The following DPAGT1 variants were observed in gnomAD, a reference collection of about 807,000 sequenced individuals.
DPAGT1 encodes UDP-N-acetylglucosamine--dolichyl-phosphate N-acetylglucosaminephosphotransferase.
In DPAGT1, 25 loss-of-function variants were observed where a neutral mutation model predicts 39.3. The ratio of observed to expected loss-of-function variants is 0.64; its 90% confidence interval spans 0.46 to 0.89. The LOEUF is 0.89. DPAGT1 is among the 40% of genes least tolerant of loss of function. The pLI, the probability that DPAGT1 is intolerant of heterozygous loss-of-function variation, is 0.00. For synonymous variants in DPAGT1, 193 were observed against 201.4 expected (o/e 0.96, Z 0.36); for missense variants, 381 against 500.6 (o/e 0.76, Z 2.28).
intron 4 of DPAGT1, among the ~76,000 whole-genome samples, chr11:119,099,510 C>G (rs1219433440): frequency 6.6e-6 from 1 of 150,964 alleles, no homozygotes; most frequent in Admixed American, 6.6e-5. Context: ...ATGGTAGGAA[C>G]TGGCTGGGCA....
chr11:119,094,172 T>C (rs1946352892), downstream of DPAGT1: 2 of 152,740 alleles, frequency 1.3e-5, no homozygotes, highest in East Asian at 3.9e-4. Flanking sequence ...TGCAGGCCTC[T>C]GCCCTCCCCT....
chr11:119,094,459 C>G (rs1287553024), downstream of DPAGT1: 7 of 152,432 alleles, frequency 4.6e-5, no homozygotes, highest in Admixed American at 4.6e-4. Context: ...GCCTCACTCA[C>G]CTTCAGGGCC....
downstream of DPAGT1, chr11:119,095,514 T>C: frequency 9.1e-7 from 1 of 1,096,550 alleles, no homozygotes; most frequent in Non-Finnish European, 1.3e-6. Flanking sequence ...AGGACACACC[T>C]CTGCGCCCTC....
intron 4 of DPAGT1, 130 bp downstream of exon 4, chr11:119,100,132 G>GT (rs1946471855): frequency 4.9e-6 from 7 of 1,424,208 alleles, no homozygotes; most frequent in Non-Finnish European, 6.9e-6. Flanking sequence ...TATTTGCAAA[G>GT]TAAGTAGCTT....
chr11:119,097,750 G>T lies in DPAGT1; in HGVS notation c.917+105C>A. 1 of 1,521,124 alleles carries T rather than the reference G, an allele frequency of 6.6e-7. No individual in the cohort carries two copies. The highest frequency in any genetic ancestry group is 9.1e-7 in the Non-Finnish European group (1 of 1,098,198). The allele number at this position is 1,521,124 out of a possible 1,614,324, so 94.2% of individuals were successfully genotyped here. The stretch of plus-strand genomic sequence containing the variant: ...ATAAAGGGCTACTCACATGGAAATA[G>T]CCCTTCTTTGGGCCCACTCCCTTTG... On this transcript the variant is annotated intron_variant, in intron 6 of 8. Transcript: ENST00000354202. This position sits in a 1 kb window ranked among gnomAD's most constrained non-coding sequence, Gnocchi z 4.6.
Position 119,100,659 on chromosome 11 carries a change from C to T in DPAGT1, c.467G>A (p.Arg156His). The T allele has an allele frequency of 1.9e-6, 3 of 1,614,002 alleles. No individual in the cohort carries two copies. Among genetic ancestry groups the T allele is most frequent in the Middle Eastern group, 1.7e-4 (1 of 6,040 alleles). Residue 156 changes from arginine (R) to histidine (H), a missense_variant, in exon 3 of 9, where the codon CGC becomes CAC. Arg to His is a conservative substitution (Grantham distance 29). Coordinates refer to ENST00000354202, the MANE Select transcript of DPAGT1 (RefSeq NM_001382.4). ...GTCCAGATGCAGGCCAAGTATCGGG[C>T]GGAAGGGCTTGGGCACCACAATGGT... ...NTTIVVPKPF[R>H]PILGLHLDLG...
chr11:119,101,389 A>C, intron 1 of DPAGT1, 106 bp downstream of exon 1: 4 of 1,595,396 alleles, frequency 2.5e-6, no homozygotes, highest in Non-Finnish European at 3.4e-6. Context: ...TGCCTGGGTT[A>C]GTTCTGAGTC....
In DPAGT1 at chr11:119,096,838, G is replaced by A; in HGVS notation, c.*160C>T. ...GCAGAGGGCAAGAAACGCCCAGGATGCCAATGATCACAGAGAAAGGAAAAT... is the reference window on the plus strand; with the variant it reads ...GCAGAGGGCAAGAAACGCCCAGGATACCAATGATCACAGAGAAAGGAAAAT... On this transcript the variant is annotated 3_prime_UTR_variant, in exon 9 of 9. Transcript: ENST00000354202. 1.2e-6 allele frequency: 1 copy of A among 865,778 alleles called. No individual in the cohort carries two copies. The highest frequency in any genetic ancestry group is 1.9e-6 in the Non-Finnish European group (1 of 537,516). 53.6% of individuals were successfully genotyped at this position (865,778 alleles called of 1,614,324 possible).
chr11:119,100,877 C>G, intron 2 of DPAGT1, 34 bp from the exon 3 acceptor site: 1 of 1,614,074 alleles, frequency 6.2e-7, no homozygotes, highest in Non-Finnish European at 8.5e-7. Context: ...ATGACTCAAG[C>G]CTGCTCCCAT....
In DPAGT1 at chr11:119,101,701, G is replaced by A. The variant is rs186992584; in HGVS notation, c.-46C>T. 1.4e-4 allele frequency: 227 copies of A among 1,613,652 alleles called. No individual in the cohort carries two copies. Among genetic ancestry groups the A allele is most frequent in the Admixed American group, 3.2e-4 (19 of 59,992 alleles). On this transcript the variant is annotated 5_prime_UTR_variant, in exon 1 of 9. Coordinates refer to ENST00000354202, the MANE Select transcript of DPAGT1 (RefSeq NM_001382.4). ...GCTCCGCCGCCTCTTCAGGTAACGG[G>A]CAAGCTGAGCAGCAGTCCTGAGGCC...
Position 119,101,583 on chromosome 11 carries a change from T to C in DPAGT1, c.73A>G (p.Thr25Ala). The C allele has an allele frequency of 6.2e-7, 1 of 1,614,232 alleles. No individual in the cohort carries two copies. Among genetic ancestry groups the C allele is most frequent in the Non-Finnish European group, 8.5e-7 (1 of 1,180,036 alleles). Residue 25 changes from threonine to alanine, a missense_variant, in exon 1 of 9, where the codon ACA becomes GCA. Coordinates refer to ENST00000354202, the MANE Select transcript of DPAGT1 (RefSeq NM_001382.4). ...LIVSLLGFVA[T>A]VTLIPAFRGH... ...CGGAAGGCCGGGATGAGGGTGACTGTGGCCACAAATCCCAGCAGCGAGACG... is the reference window on the plus strand; with the variant it reads ...CGGAAGGCCGGGATGAGGGTGACTGCGGCCACAAATCCCAGCAGCGAGACG...
chr11:119,095,419 A>T, downstream of DPAGT1: 4 of 1,495,074 alleles, frequency 2.7e-6, no homozygotes, highest in Non-Finnish European at 3.5e-6. Flanking sequence ...CCGGTGAAGC[A>T]CGACGGCTCA....
downstream of DPAGT1, chr11:119,095,173 G>C (rs780380122): frequency 3.1e-6 from 5 of 1,613,996 alleles, no homozygotes; most frequent in East Asian, 2.2e-5. Context: ...GCGTCTTCTT[G>C]TTGTCGCGGG....
At position 119,097,542 on chromosome 11, in the gene DPAGT1, GAT is replaced by G; in HGVS notation, c.925_926del (p.Ile309GlnfsTer40). On this transcript the variant is annotated frameshift_variant, in exon 7 of 9. Transcript: ENST00000354202. LOFTEE classifies it high-confidence loss of function. This position sits in a 1 kb window ranked among gnomAD's most constrained non-coding sequence, Gnocchi z 4.6. ...CPRHRIPRLN[I>X]KTGKLEMSYS... ...AGCTCATCTCCAGTTTGCCTGTCTTGATATTGAGTCTGCGGGGGGAAGATAGC... is the reference window on the plus strand; with the variant it reads ...AGCTCATCTCCAGTTTGCCTGTCTTGATTGAGTCTGCGGGGGGAAGATAGC... 1.2e-6 allele frequency: 2 copies of G among 1,614,156 alleles called. No individual in the cohort carries two copies. The highest frequency in any genetic ancestry group is 1.7e-6 in the Non-Finnish European group (2 of 1,180,034).
Position 119,096,672 on chromosome 11 carries a change from A to G in DPAGT1, c.*326T>C, listed in dbSNP as rs942125614. 2 of 434,462 alleles carry G rather than the reference A, an allele frequency of 4.6e-6. No individual in the cohort carries two copies. Among genetic ancestry groups the G allele is most frequent in the South Asian group, 4.6e-5 (2 of 43,290 alleles). The allele number at this position is 434,462 out of a possible 1,614,324, so 26.9% of individuals were successfully genotyped here. On this transcript the variant is annotated 3_prime_UTR_variant, in exon 9 of 9. Transcript: ENST00000354202. Reference sequence around the variant, plus strand: ...TATCCCAAAAACCAGTGGTTCCTTGAGAGTCAGGACTCTGAAATGTGAGTG... The same window carrying G: ...TATCCCAAAAACCAGTGGTTCCTTGGGAGTCAGGACTCTGAAATGTGAGTG...
In DPAGT1 at chr11:119,097,577, G is replaced by T; in HGVS notation, c.918-26C>A. 1 of 1,612,886 alleles carries T rather than the reference G, an allele frequency of 6.2e-7. No individual in the cohort carries two copies. The highest frequency in any genetic ancestry group is 1.1e-5 in the South Asian group (1 of 91,052). On this transcript the variant is annotated intron_variant, in intron 6 of 8. Transcript: ENST00000354202. This position sits in a 1 kb window ranked among gnomAD's most constrained non-coding sequence, Gnocchi z 4.6. ...CTGCGGGGGGAAGATAGCTTCATGTGACTGGGCCACTATTTGAACCCTCCT... is the reference window on the plus strand; with the variant it reads ...CTGCGGGGGGAAGATAGCTTCATGTTACTGGGCCACTATTTGAACCCTCCT...
rs760501264 is a variant in DPAGT1 at position 119,097,437 on chromosome 11, G to A, written c.1005+27C>T. 2.5e-6 allele frequency: 4 copies of A among 1,613,678 alleles called. No homozygotes were observed. Among genetic ancestry groups the A allele is most frequent in the Non-Finnish European group, 3.4e-6 (4 of 1,179,588 alleles). ...CCTCAAGGTCAGGATGGCAGCCTAG[G>A]GCCTTACCTCCTTGTTACCCTGTTA... On this transcript the variant is annotated intron_variant, in intron 7 of 8. Coordinates refer to ENST00000354202, the MANE Select transcript of DPAGT1 (RefSeq NM_001382.4). The surrounding 1 kb of genome is among the most constrained non-coding windows in gnomAD (Gnocchi z 4.6).
At chr11:119,094,911 G>T, downstream of DPAGT1, 1 of 1,526,158 alleles carries the variant, frequency 6.6e-7, no homozygotes, top group South Asian at 1.2e-5. Flanking sequence ...CCTTAAAAGG[G>T]CCTTTGTGGT....
In DPAGT1 at chr11:119,097,396, G is replaced by A; in HGVS notation, c.1005+68C>T. 1 of 1,611,390 alleles carries A rather than the reference G, an allele frequency of 6.2e-7. No individual in the cohort carries two copies. On this transcript the variant is annotated intron_variant, in intron 7 of 8. Coordinates refer to ENST00000354202, the MANE Select transcript of DPAGT1 (RefSeq NM_001382.4). The surrounding 1 kb of genome is among the most constrained non-coding windows in gnomAD (Gnocchi z 4.6). ...CAAGTTCCCCTTGGATCTGATGTAG[G>A]ACTAGGTTCCCCATTCCTCAAGGTC...
Sources: gnomAD v4.1 joint callset for allele counts (sites outside exome capture counted in the v4.1 genomes callset) on GRCh38, gnomAD v4.1.1 for gene constraint, Gnocchi (gnomAD v3.1) non-coding constraint, MANE v1.5 for transcripts, NCBI Gene and HGNC (gene_info 2026-07-23, HGNC 2026-07-21) for gene names.